The following SDHA variants were observed in gnomAD, a reference collection of about 807,000 sequenced individuals.
SDHA encodes the protein succinate dehydrogenase complex flavoprotein subunit A.
SDHA carries 48 observed loss-of-function variants against 78.4 expected under a neutral mutation model. That is an observed-to-expected ratio of 0.61 (90% CI 0.49 to 0.78). The LOEUF (loss-of-function observed/expected upper bound fraction) is 0.78, where lower values mean the gene tolerates loss of function less well. Ranked by LOEUF, SDHA falls within the 30% of genes least tolerant of loss-of-function variation. The pLI, the probability that SDHA is intolerant of heterozygous loss-of-function variation, is 0.00. For synonymous variants in SDHA, 326 were observed against 353.9 expected (o/e 0.92, Z 0.88); for missense variants, 680 against 892.7 (o/e 0.76, Z 3.04).
chr5:219,343 C>G (rs1438720654), intron 1 of SDHA, among the ~76,000 whole-genome samples: 1 of 152,150 alleles, frequency 6.6e-6, no homozygotes, highest in Non-Finnish European at 1.5e-5. Context: ...TTTATTTAAT[C>G]AAGCTAAATT....
At chr5:259,922 G>C (rs868268728), downstream of SDHA, among the ~76,000 whole-genome samples, 32 of 26,800 alleles carry the variant, frequency 1.2e-3, no homozygotes, top group Non-Finnish European at 1.1e-3. Context: ...CCTCCCGTCA[G>C]AGCATTACCG....
intron 10 of SDHA, among the ~76,000 whole-genome samples, chr5:239,483 G>A (rs1190235622): frequency 4.6e-5 from 7 of 151,860 alleles, no homozygotes; most frequent in East Asian, 2.0e-4. Flanking sequence ...GCTTGAACCC[G>A]GAGATGGAGG....
At chr5:220,010 G>C (rs184770436) in intron 1 of SDHA, among the ~76,000 whole-genome samples, 1 of 152,136 alleles carries the variant, frequency 6.6e-6, no homozygotes, top group African/African-American at 2.4e-5. Context: ...GTTTACGAAG[G>C]AACAGCATAA....
At chr5:246,788 G>A (rs1736494661) in intron 11 of SDHA, among the ~76,000 whole-genome samples, 1 of 152,212 alleles carries the variant, frequency 6.6e-6, no homozygotes, top group African/African-American at 2.4e-5. Flanking sequence ...ACTAATTCAT[G>A]GACTCTAACT....
At chr5:239,160 C>T (rs949437979) in intron 10 of SDHA, among the ~76,000 whole-genome samples, 1 of 151,326 alleles carries the variant, frequency 6.6e-6, no homozygotes, top group African/African-American at 2.5e-5. Flanking sequence ...CTGTTTGACT[C>T]CTGCATTTCA....
downstream of SDHA, among the ~76,000 whole-genome samples, chr5:258,359 C>T (rs1267388703): frequency 6.3e-5 from 8 of 126,932 alleles, 1 homozygote; most frequent in African/African-American, 2.8e-4. Flanking sequence ...AGCTCCTCCT[C>T]CTGTCAGAGC....
rs757201821 is a variant in SDHA at position 218,337 on chromosome 5, C to G, written c.-19C>G. On this transcript the variant is annotated 5_prime_UTR_variant, in exon 1 of 15. Coordinates refer to ENST00000264932, the MANE Select transcript of SDHA (RefSeq NM_004168.4). ...GTCTGCGCAGGGACTGGCGGGACTGCGCGGCGGCAACAGCAGACATGTCGG... is the reference window on the plus strand; with the variant it reads ...GTCTGCGCAGGGACTGGCGGGACTGGGCGGCGGCAACAGCAGACATGTCGG... 4 of 1,443,100 alleles carry G rather than the reference C, an allele frequency of 2.8e-6. No individual in the cohort carries two copies. Among genetic ancestry groups the G allele is most frequent in the Middle Eastern group, 2.5e-4 (1 of 3,974 alleles). 89.4% of individuals were successfully genotyped at this position (1,443,100 alleles called of 1,614,324 possible).
chr5:218,470 T>A, intron 1 of SDHA, 52 bp downstream of exon 1: 13 of 1,307,040 alleles, frequency 9.9e-6, no homozygotes, highest in Non-Finnish European at 1.3e-5. Context: ...GAGGCGGCGG[T>A]AGGAGCGGGA....
chr5:235,665 T>G lies in SDHA; in HGVS notation c.1260+326T>G, dbSNP rs573204727. Reference sequence around the variant, plus strand: ...ATTCATTCCTTTGAGTGGTTTGTGGTTCACACAGAGCTTGTCAGTCACTTA... The same window carrying G: ...ATTCATTCCTTTGAGTGGTTTGTGGGTCACACAGAGCTTGTCAGTCACTTA... On this transcript the variant is annotated intron_variant, in intron 9 of 14. Coordinates refer to ENST00000264932, the MANE Select transcript of SDHA (RefSeq NM_004168.4). The G allele has an allele frequency of 6.2e-4, 240 of 386,264 alleles. 1 individual carries two copies. The highest frequency in any genetic ancestry group is 4.6e-3 in the African/African-American group (221 of 48,036). The allele number at this position is 386,264 out of a possible 1,614,324, so 23.9% of individuals were successfully genotyped here.
chr5:251,981 G>C (rs1304337097), intron 13 of SDHA: 4 of 335,078 alleles, frequency 1.2e-5, no homozygotes. Flanking sequence ...ACCGTTTCAA[G>C]CCTGCCCTGT....
At position 230,200 on chromosome 5, in the gene SDHA, G is replaced by GT. The variant is rs923562052; in HGVS notation, c.771-666dup. ...TCACGCTGTACACCATAAATATATA[G>GT]TTTTTTTTTTAAATTCATCAATCAT... is the stretch of plus-strand genomic sequence containing the variant. On this transcript the variant is annotated intron_variant, in intron 6 of 14. Coordinates refer to ENST00000264932, the MANE Select transcript of SDHA (RefSeq NM_004168.4). Among the ~76,000 whole-genome samples, 183 of 144,030 alleles carry GT rather than the reference G, an allele frequency of 1.3e-3. 2 individuals carry two copies. Among genetic ancestry groups the GT allele is most frequent in the South Asian group, 3.0e-3 (14 of 4,640 alleles). The allele number at this position is 144,030 out of a possible 152,430, so 94.5% of individuals were successfully genotyped here.
At chr5:259,007 T>A (rs1169201021), downstream of SDHA, among the ~76,000 whole-genome samples, 1 of 45,572 alleles carries the variant, frequency 2.2e-5, no homozygotes, top group Non-Finnish European at 4.3e-5. Context: ...CATTACCGTG[T>A]GAGCTCCGCC....
rs1736074728 is a variant in SDHA at position 240,559 on chromosome 5, C to G, written c.1551+83C>G. ...TGGTTTTGTTTTTTAAAAACTAGAT[C>G]TAGGGGGATGCAGGTGCAGTTTTGT... On this transcript the variant is annotated intron_variant, in intron 11 of 14. Transcript: ENST00000264932. 3.7e-5 allele frequency: 33 copies of G among 882,710 alleles called. No homozygotes were observed. In the South Asian group the frequency reaches 4.2e-4, roughly 11 times the overall value. 54.7% of individuals were successfully genotyped at this position (882,710 alleles called of 1,614,324 possible).
At chr5:234,148 A>G in intron 8 of SDHA, 1 of 186,046 alleles carries the variant, frequency 5.4e-6, no homozygotes, top group Admixed American at 5.3e-5. Flanking sequence ...GGTGGGGCGC[A>G]GTGGCTCACG....
At chr5:242,800 A>G (rs903706323) in intron 11 of SDHA, among the ~76,000 whole-genome samples, 2 of 152,150 alleles carry the variant, frequency 1.3e-5, no homozygotes, top group Non-Finnish European at 2.9e-5. Context: ...CAGGGTAACA[A>G]TGGGACACGT....
downstream of SDHA, among the ~76,000 whole-genome samples, chr5:259,599 C>G (rs1321714551): frequency 1.8e-4 from 2 of 11,354 alleles, no homozygotes; most frequent in Non-Finnish European, 3.4e-4. Context: ...CCGCCTCCCG[C>G]CAGAGCATTA....
chr5:239,189 T>C (rs918699076), intron 10 of SDHA, among the ~76,000 whole-genome samples: 1 of 150,126 alleles, frequency 6.7e-6, no homozygotes, highest in African/African-American at 2.5e-5. Context: ...ACCTCCTGCA[T>C]GTATTACCTG....
downstream of SDHA, among the ~76,000 whole-genome samples, chr5:257,426 GTC>G (rs1002430286): frequency 1.2e-3 from 167 of 134,624 alleles, 6 homozygotes; most frequent in African/African-American, 4.7e-3. Flanking sequence ...AACACCACCT[GTC>G]AGAGCATTAC....
At position 240,480 on chromosome 5, in the gene SDHA, A is replaced by G. The variant is rs928294715; in HGVS notation, c.1551+4A>G. On this transcript the variant is annotated splice_donor_region_variant and intron_variant, in intron 11 of 14. Coordinates refer to ENST00000264932, the MANE Select transcript of SDHA (RefSeq NM_004168.4). ...ACTGCGACTCAGCATGCAGAAGGTAAGAGCCTGGACTCGCTCTGGAGTGAG... is the reference window on the plus strand; with the variant it reads ...ACTGCGACTCAGCATGCAGAAGGTAGGAGCCTGGACTCGCTCTGGAGTGAG... 17 of 1,584,672 alleles carry G rather than the reference A, an allele frequency of 1.1e-5. No homozygotes were observed. Among genetic ancestry groups the G allele is most frequent in the Non-Finnish European group, 1.0e-5 (12 of 1,155,252 alleles).
Sources: allele counts gnomAD v4.1 joint callset (sites outside exome capture counted in the v4.1 genomes callset), GRCh38; gene constraint gnomAD v4.1.1; transcripts MANE v1.5; gene names NCBI Gene and HGNC (gene_info 2026-07-23, HGNC 2026-07-21).